ASCC3: variants seen among roughly 807,000 people sequenced by gnomAD.
ASCC3 encodes activating signal cointegrator 1 complex subunit 3, also known as ASC-1 complex subunit P200.
ASCC3 carries 158 observed loss-of-function variants against 256.3 expected under a neutral mutation model. The observed-to-expected ratio is 0.62, with a 90% CI of 0.54 to 0.70. ASCC3 has a LOEUF of 0.70. Among genes scored for constraint, ASCC3 ranks in the 30% least tolerant of loss-of-function variants. ASCC3 has a pLI of 0.00. For missense variants in ASCC3, 2,259 were observed against 2,626.0 expected (o/e 0.86, Z 3.05); for synonymous variants, 948 against 883.4 (o/e 1.07, Z -1.30).
At chr6:100,878,251 A>G (rs975260960) in intron 1 of ASCC3, among the ~76,000 whole-genome samples, 2 of 152,228 alleles carry the variant, frequency 1.3e-5, no homozygotes, top group Admixed American at 6.5e-5. Flanking sequence ...TACAAAATAT[A>G]TAATGGTTAA....
rs1399883693 is a variant in ASCC3 at position 100,508,402 on chromosome 6, T to C, written c.*984A>G. 1 of 152,162 alleles carries C rather than the reference T, an allele frequency of 6.6e-6. No individual in the cohort carries two copies. Among genetic ancestry groups the C allele is most frequent in the East Asian group, 1.9e-4 (1 of 5,194 alleles). The allele number at this position is 152,162 out of a possible 1,614,324, so 9.4% of individuals were successfully genotyped here. On this transcript the variant is annotated 3_prime_UTR_variant, in exon 42 of 42. Coordinates refer to ENST00000369162, the MANE Select transcript of ASCC3 (RefSeq NM_006828.4). ...AATGCATATTATATGAACATTGAAT[T>C]TTAACAAGTTTTTAGTTTGAAAAAG...
chr6:100,509,273 T>G lies in ASCC3; in HGVS notation c.*113A>C. 1.4e-6 allele frequency: 2 copies of G among 1,417,222 alleles called. No homozygotes were observed. The highest frequency in any genetic ancestry group is 4.5e-4 in the Middle Eastern group (2 of 4,430). The allele number at this position is 1,417,222 out of a possible 1,614,324, so 87.8% of individuals were successfully genotyped here. A position where few individuals can be genotyped will look rare whatever the true frequency, so the allele number is the denominator to read the frequency against. ...CAGCCACTGTCAATTTCCTGGATGG[T>G]TGAGGTTAGAAGTTGATTCTTTCAA... On this transcript the variant is annotated 3_prime_UTR_variant, in exon 42 of 42. Coordinates refer to ENST00000369162, the MANE Select transcript of ASCC3 (RefSeq NM_006828.4).
At chr6:100,628,981 T>C in intron 27 of ASCC3, 34 bp downstream of exon 27, 2 of 1,597,412 alleles carry the variant, frequency 1.3e-6, no homozygotes, top group Non-Finnish European at 1.7e-6. Flanking sequence ...AAAGTTAAAG[T>C]TTGTAAACTG....
chr6:100,813,738 A>AT (rs1182630452), intron 4 of ASCC3, among the ~76,000 whole-genome samples: 3 of 152,014 alleles, frequency 2.0e-5, no homozygotes, highest in Non-Finnish European at 4.4e-5. Flanking sequence ...TAATTCAACA[A>AT]TAACAGTCGG....
intron 34 of ASCC3, among the ~76,000 whole-genome samples, chr6:100,593,754 G>A (rs188399533): frequency 2.0e-5 from 3 of 152,082 alleles, no homozygotes; most frequent in Non-Finnish European, 1.5e-5. Context: ...CACAAATAGC[G>A]AAAGTGGTTG....
intron 4 of ASCC3, among the ~76,000 whole-genome samples, chr6:100,813,216 G>A (rs752619334): frequency 1.3e-5 from 2 of 152,124 alleles, no homozygotes; most frequent in Non-Finnish European, 2.9e-5. Flanking sequence ...AGCACTTTGG[G>A]AGGCCGAAGC....
At chr6:100,846,722 C>T (rs1582954256) in intron 4 of ASCC3, among the ~76,000 whole-genome samples, 1 of 152,156 alleles carries the variant, frequency 6.6e-6, no homozygotes, top group African/African-American at 2.4e-5. Context: ...AGAGTTAAAT[C>T]TAGTCATATT....
intron 3 of ASCC3, among the ~76,000 whole-genome samples, chr6:100,860,341 C>T (rs937736045): frequency 4.0e-5 from 6 of 151,672 alleles, no homozygotes; most frequent in Non-Finnish European, 5.9e-5. Flanking sequence ...ATATTTTCTC[C>T]ATAAAACTAA....
Position 100,749,959 on chromosome 6 carries a change from G to A in ASCC3, c.1737+16606C>T, listed in dbSNP as rs571497711. Among the ~76,000 whole-genome samples, 11 of 151,852 alleles carry A rather than the reference G, an allele frequency of 7.2e-5. No individual in the cohort carries two copies. In the East Asian group the frequency reaches 2.1e-3, roughly 29 times the overall value. On this transcript the variant is annotated intron_variant, in intron 10 of 41. Coordinates refer to ENST00000369162, the MANE Select transcript of ASCC3 (RefSeq NM_006828.4). ...ATTCAAGAGAAACTAGGAAGTTACA[G>A]AAAATACAGCTCTCTACAATTCCTT...
chr6:100,663,773 G>C (rs1043545019), intron 14 of ASCC3, among the ~76,000 whole-genome samples: 1 of 152,100 alleles, frequency 6.6e-6, no homozygotes, highest in African/African-American at 2.4e-5. Context: ...ACCTCAAATT[G>C]CAAGTTACAG....
chr6:100,568,776 TATTATTA>T (rs1562125427), intron 36 of ASCC3, among the ~76,000 whole-genome samples: 5 of 140,976 alleles, frequency 3.5e-5, no homozygotes, highest in African/African-American at 1.5e-4. Context: ...TTATTATTAT[TATTATTA>T]TTATTATTTT....
At chr6:100,511,502 C>G (rs550514415) in intron 40 of ASCC3, among the ~76,000 whole-genome samples, 20 of 152,200 alleles carry the variant, frequency 1.3e-4, no homozygotes, top group African/African-American at 4.8e-4. Flanking sequence ...GAGGCAGAGG[C>G]AGGTGGATCA....
At chr6:100,586,874 ATAT>A (rs1292546522) in intron 36 of ASCC3, among the ~76,000 whole-genome samples, 11 of 152,214 alleles carry the variant, frequency 7.2e-5, no homozygotes, top group African/African-American at 2.7e-4. Flanking sequence ...ATTTAAGGAA[ATAT>A]TATGGTAAGT....
At chr6:100,789,502 T>G (rs549912844) in intron 8 of ASCC3, among the ~76,000 whole-genome samples, 1 of 152,094 alleles carries the variant, frequency 6.6e-6, no homozygotes, top group African/African-American at 2.4e-5. Flanking sequence ...CAGATGACTA[T>G]TAAGTATAAG....
chr6:100,759,452 C>T (rs1446803513), intron 10 of ASCC3, among the ~76,000 whole-genome samples: 2 of 152,178 alleles, frequency 1.3e-5, no homozygotes, highest in South Asian at 2.1e-4. Context: ...GAGTTTTCTG[C>T]ATATGGCTAG....
chr6:100,790,591 C>A (rs1402659072), intron 8 of ASCC3, among the ~76,000 whole-genome samples: 1 of 151,880 alleles, frequency 6.6e-6, no homozygotes, highest in Non-Finnish European at 1.5e-5. Flanking sequence ...TGGACTAAAT[C>A]CAGTTCTAAA....
At chr6:100,625,132 C>A in intron 30 of ASCC3, 60 bp downstream of exon 30, 1 of 1,581,414 alleles carries the variant, frequency 6.3e-7, no homozygotes, top group South Asian at 1.1e-5. Flanking sequence ...ATGTAATGAT[C>A]ATTCTAATAT....
intron 36 of ASCC3, among the ~76,000 whole-genome samples, chr6:100,559,472 A>G (rs1769808053): frequency 6.6e-6 from 1 of 152,236 alleles, no homozygotes. Context: ...GAAGGAGTTA[A>G]TATTTTTTTG....
intron 11 of ASCC3, among the ~76,000 whole-genome samples, chr6:100,719,703 A>G (rs1435619467): frequency 6.6e-6 from 1 of 151,936 alleles, no homozygotes; most frequent in Non-Finnish European, 1.5e-5. Context: ...CACTATACCT[A>G]TTTACCTTAA....
Sources: allele counts gnomAD v4.1 joint callset (sites outside exome capture counted in the v4.1 genomes callset), GRCh38; gene constraint gnomAD v4.1.1; transcripts MANE v1.5; gene names NCBI Gene and HGNC (gene_info 2026-07-23, HGNC 2026-07-21).